ITGB3BP: variants seen among roughly 807,000 people sequenced by gnomAD.
The protein encoded by ITGB3BP is centromere protein R.
In ITGB3BP, 27 loss-of-function variants were observed where a neutral mutation model predicts 29.1. The observed-to-expected ratio is 0.93, with a 90% CI of 0.68 to 1.28. The LOEUF (loss-of-function observed/expected upper bound fraction) is 1.28, where lower values mean the gene tolerates loss of function less well. ITGB3BP is among the 50% of genes most tolerant of loss of function. ITGB3BP has a pLI of 0.00. For synonymous variants in ITGB3BP, 61 were observed against 61.4 expected, an observed-to-expected ratio of 0.99 and a Z score of 0.03; for missense variants, 192 against 200.2, an observed-to-expected ratio of 0.96 and a Z score of 0.25.
intron 2 of ITGB3BP, among the ~76,000 whole-genome samples, chr1:63,499,302 A>G (rs1031175500): frequency 7.9e-5 from 12 of 151,766 alleles, no homozygotes; most frequent in Admixed American, 6.6e-4. Context: ...GGCATGTGCC[A>G]CCATGCCTGG....
chr1:63,519,459 C>T (rs1646402833), intron 1 of ITGB3BP, among the ~76,000 whole-genome samples: 1 of 152,040 alleles, frequency 6.6e-6, no homozygotes, highest in Non-Finnish European at 1.5e-5. Flanking sequence ...GTGAGAGCCA[C>T]CACGCTCAGC....
intron 3 of ITGB3BP, among the ~76,000 whole-genome samples, chr1:63,485,406 C>T (rs1645508236): frequency 6.7e-6 from 1 of 149,910 alleles, no homozygotes; most frequent in African/African-American, 2.4e-5. Flanking sequence ...GATAGTTTTT[C>T]ACCCGCCCTC....
chr1:63,451,718 C>A (rs1397975732), intron 7 of ITGB3BP: 2 of 151,918 alleles, frequency 1.3e-5, no homozygotes, highest in African/African-American at 2.4e-5. Flanking sequence ...AGCTCAAAAT[C>A]AAATTACAAC....
intron 1 of ITGB3BP, among the ~76,000 whole-genome samples, chr1:63,517,044 A>C (rs567225075): frequency 1.3e-5 from 2 of 152,278 alleles, no homozygotes; most frequent in South Asian, 4.1e-4. Flanking sequence ...AAAAAAAGAA[A>C]GTACAAAGAA....
chr1:63,481,946 C>T (rs1383809465), intron 3 of ITGB3BP, among the ~76,000 whole-genome samples: 1 of 152,128 alleles, frequency 6.6e-6, no homozygotes, highest in Non-Finnish European at 1.5e-5. Context: ...TAGCTGAAGA[C>T]TGTGCTCTTA....
At chr1:63,525,596 T>C (rs217478), upstream of ITGB3BP, 546,117 of 1,566,634 alleles carry the variant, frequency 0.35, 97,317 homozygotes, top group Admixed American at 0.48. Context: ...CACGAAGCGA[T>C]GCAACTTTCT....
intron 8 of ITGB3BP, among the ~76,000 whole-genome samples, chr1:63,441,683 T>C (rs566048135): frequency 6.6e-6 from 1 of 152,332 alleles, no homozygotes; most frequent in South Asian, 2.1e-4. Context: ...AGAAAACTTA[T>C]TTACATGCCT....
At chr1:63,449,802 T>G (rs1417598926) in intron 7 of ITGB3BP, 1 of 154,578 alleles carries the variant, frequency 6.5e-6, no homozygotes, top group African/African-American at 2.4e-5. Flanking sequence ...TCAGTGCTTT[T>G]AAAATTGAAG....
chr1:63,473,576 G>T (rs1316030370), intron 4 of ITGB3BP, among the ~76,000 whole-genome samples: 4 of 135,662 alleles, frequency 2.9e-5, no homozygotes, highest in Non-Finnish European at 6.5e-5. Context: ...GGGAGGGGGG[G>T]TCAGCCCCCT....
At chr1:63,521,805 C>A (rs1646455249) in intron 1 of ITGB3BP, among the ~76,000 whole-genome samples, 1 of 152,194 alleles carries the variant, frequency 6.6e-6, no homozygotes, top group African/African-American at 2.4e-5. Context: ...AAAAGTTCCA[C>A]TTTTCATAGT....
At position 63,487,304 on chromosome 1, in the gene ITGB3BP, C is replaced by T. The variant is rs1403633312; in HGVS notation, c.184+2779G>A. Among the ~76,000 whole-genome samples, 2 of 151,904 alleles carry T rather than the reference C, an allele frequency of 1.3e-5. 1 individual carries two copies. The highest frequency in any genetic ancestry group is 3.9e-4 in the East Asian group (2 of 5,174). On this transcript the variant is annotated intron_variant, in intron 3 of 8. Coordinates refer to ENST00000271002, the MANE Select transcript of ITGB3BP (RefSeq NM_014288.5). ...TGTAAGTGGACCTGTGCAGTTCAAACCCATGTTGTTCAAGGGTCAACTGTA... is the reference window on the plus strand; with the variant it reads ...TGTAAGTGGACCTGTGCAGTTCAAATCCATGTTGTTCAAGGGTCAACTGTA...
intron 4 of ITGB3BP, among the ~76,000 whole-genome samples, chr1:63,475,940 G>A (rs1645330837): frequency 6.7e-6 from 1 of 148,412 alleles, no homozygotes; most frequent in South Asian, 2.1e-4. Flanking sequence ...GGAGGTTGCA[G>A]TGAGATGAGA....
At chr1:63,450,792 G>T (rs1307053813) in intron 7 of ITGB3BP, among the ~76,000 whole-genome samples, 1 of 151,920 alleles carries the variant, frequency 6.6e-6, no homozygotes, top group Admixed American at 6.6e-5. Context: ...CTTTGTTTAA[G>T]AAATCTGTGT....
intron 8 of ITGB3BP, chr1:63,442,663 GT>G (rs1197086247): frequency 6.6e-6 from 1 of 152,222 alleles, no homozygotes; most frequent in African/African-American, 2.4e-5. Context: ...CATGTTGGGG[GT>G]TATCAATTCC....
intron 4 of ITGB3BP, among the ~76,000 whole-genome samples, chr1:63,468,994 T>C (rs1645148238): frequency 6.6e-6 from 1 of 151,588 alleles, no homozygotes; most frequent in Non-Finnish European, 1.5e-5. Context: ...GAGGTTGCAG[T>C]GAACCAAGAT....
intron 3 of ITGB3BP, among the ~76,000 whole-genome samples, chr1:63,481,802 A>G (rs1645441905): frequency 6.6e-6 from 1 of 152,234 alleles, no homozygotes; most frequent in Non-Finnish European, 1.5e-5. Flanking sequence ...TACATATGAT[A>G]TCTAATTAAC....
intron 1 of ITGB3BP, among the ~76,000 whole-genome samples, chr1:63,514,900 C>T (rs1328744117): frequency 1.4e-5 from 2 of 138,798 alleles, no homozygotes; most frequent in Admixed American, 7.9e-5. Context: ...GAGCCAAGAT[C>T]GTGCCACTGC....
chr1:63,462,436 C>T (rs900828865), intron 4 of ITGB3BP, among the ~76,000 whole-genome samples: 1 of 152,098 alleles, frequency 6.6e-6, no homozygotes, highest in Non-Finnish European at 1.5e-5. Flanking sequence ...TACTTTTTCC[C>T]TTCCAATTTA....
At chr1:63,447,594 G>A (rs767441082) in intron 7 of ITGB3BP, 17 of 499,728 alleles carry the variant, frequency 3.4e-5, no homozygotes, top group Non-Finnish European at 5.6e-5. Context: ...CTTCACAGAG[G>A]TTGTGACATC....
Sources: gnomAD v4.1 joint callset for allele counts (sites outside exome capture counted in the v4.1 genomes callset) on GRCh38, gnomAD v4.1.1 for gene constraint, MANE v1.5 for transcripts, NCBI Gene and HGNC (gene_info 2026-07-23, HGNC 2026-07-21) for gene names.